Variants in RUNX1 observed in about 807,000 individuals in gnomAD.
RUNX1 encodes runt-related transcription factor 1.
In RUNX1, 19 loss-of-function variants were observed where a neutral mutation model predicts 42.8. The observed-to-expected ratio is 0.44, with a 90% CI of 0.31 to 0.65. RUNX1 has a LOEUF of 0.65. Ranked by LOEUF, RUNX1 falls within the 30% of genes least tolerant of loss-of-function variation. The pLI is 0.07. For missense variants in RUNX1, 528 were observed against 672.0 expected (o/e 0.79, Z 2.37); for synonymous variants, 271 against 289.4 (o/e 0.94, Z 0.64).
chr21:34,888,164 C>T, intron 3 of RUNX1: 7 of 1,066,476 alleles, frequency 6.6e-6, no homozygotes, highest in Non-Finnish European at 8.0e-6. Context: ...CGGGCAGCAG[C>T]GAGACGATAC....
rs1201995651 is a variant in RUNX1 at position 34,846,194 on chromosome 21, C to CTTCTTTTTTTTTTT, written c.614-11594_614-11593insAAAAAAAAAAAGAA. Among the ~76,000 whole-genome samples, 54 of 102,256 alleles carry CTTCTTTTTTTTTTT rather than the reference C, an allele frequency of 5.3e-4. 2 individuals carry two copies. Among genetic ancestry groups the CTTCTTTTTTTTTTT allele is most frequent in the Non-Finnish European group, 8.1e-4 (41 of 50,466 alleles). 67.1% of individuals were successfully genotyped at this position (102,256 alleles called of 152,430 possible). A position where few individuals can be genotyped will look rare whatever the true frequency, so the allele number is the denominator to read the frequency against. Reference sequence around the variant, plus strand: ...GAGTACTTTGTGGGTTTAAGGATGTCTTTTTTTTTTTTTTTTTTTTTCAAA... The same window carrying CTTCTTTTTTTTTTT: ...GAGTACTTTGTGGGTTTAAGGATGTCTTCTTTTTTTTTTTTTTTTTTTTTTTTTTTTTTTTCAAA... On this transcript the variant is annotated intron_variant, in intron 6 of 8. Transcript: ENST00000675419.
chr21:34,889,307 T>C lies in RUNX1; in HGVS notation c.98-2211A>G, dbSNP rs200818542. On this transcript the variant is annotated intron_variant, in intron 3 of 8. Coordinates refer to ENST00000675419, the MANE Select transcript of RUNX1 (RefSeq NM_001754.5). ...GGCAGCTGCGGCGAAGCGGCGCTGA[T>C]TCCTTGCATGAGGCCGGACGGCGTC... 2.6e-5 allele frequency among the ~76,000 whole-genome samples: 4 copies of C among 152,030 alleles called. No homozygotes were observed. In the East Asian group the frequency reaches 7.8e-4, roughly 29 times the overall value.
At chr21:35,008,723 T>G (rs1267249794) in intron 2 of RUNX1, among the ~76,000 whole-genome samples, 1 of 152,238 alleles carries the variant, frequency 6.6e-6, no homozygotes, top group Non-Finnish European at 1.5e-5. Flanking sequence ...ACTTTCACCC[T>G]CTTCTCCTTC....
chr21:34,994,648 C>G (rs775872335), intron 2 of RUNX1, among the ~76,000 whole-genome samples: 2 of 151,790 alleles, frequency 1.3e-5, no homozygotes, highest in East Asian at 3.9e-4. Flanking sequence ...CCTACATTTA[C>G]GGGTACTACG....
intron 2 of RUNX1, chr21:35,038,972 C>T: frequency 3.0e-6 from 1 of 338,214 alleles, no homozygotes; most frequent in Non-Finnish European, 5.9e-6. Flanking sequence ...ATGGTGGGTG[C>T]TTAACCAAGG....
intron 7 of RUNX1, among the ~76,000 whole-genome samples, chr21:34,813,759 C>A (rs1213230706): frequency 6.6e-6 from 1 of 152,076 alleles, no homozygotes; most frequent in Non-Finnish European, 1.5e-5. Context: ...ACGCAAATCA[C>A]CGTCAACATT....
rs140770575 is a variant in RUNX1 at position 34,995,107 on chromosome 21, T to C, written c.58+53735A>G. On this transcript the variant is annotated intron_variant, in intron 2 of 8. Coordinates refer to ENST00000675419, the MANE Select transcript of RUNX1 (RefSeq NM_001754.5). ...TCAGCAATGGATGCCAAGCAGGCTG[T>C]GCCATGTTGGGGGACTGAGGGGTGG... Among the ~76,000 whole-genome samples the C allele has an allele frequency of 4.2e-3, 639 of 152,308 alleles. 6 individuals are homozygous for C. Among genetic ancestry groups the C allele is most frequent in the African/African-American group, 0.015 (611 of 41,572 alleles).
At chr21:35,029,730 C>T (rs904700356) in intron 2 of RUNX1, among the ~76,000 whole-genome samples, 5 of 152,128 alleles carry the variant, frequency 3.3e-5, no homozygotes, top group Non-Finnish European at 5.9e-5. Context: ...GAATTTCTTC[C>T]GTCTTGGGCT....
intron 2 of RUNX1, among the ~76,000 whole-genome samples, chr21:34,947,661 CCTGT>C (rs1376864402): frequency 6.6e-6 from 1 of 152,130 alleles, no homozygotes; most frequent in Admixed American, 6.5e-5. Context: ...TCACAGAAGC[CCTGT>C]CTATCATGGT....
intron 2 of RUNX1, among the ~76,000 whole-genome samples, chr21:35,034,594 G>T (rs1339339449): frequency 6.6e-6 from 1 of 152,206 alleles, no homozygotes; most frequent in African/African-American, 2.4e-5. Context: ...AGATACATTT[G>T]GTTGTGGCAA....
At chr21:34,967,472 G>A (rs190934223) in intron 2 of RUNX1, among the ~76,000 whole-genome samples, 31 of 150,628 alleles carry the variant, frequency 2.1e-4, no homozygotes, top group Admixed American at 1.4e-3. Flanking sequence ...GCTGAACTTC[G>A]CCATCCAGCC....
At position 34,799,382 on chromosome 21, in the gene RUNX1, CAGA is replaced by C. The variant is rs771972670; in HGVS notation, c.883_885del (p.Ser295del). On this transcript the variant is annotated inframe_deletion, in exon 8 of 9. Transcript: ENST00000675419. The stretch of plus-strand genomic sequence containing the variant: ...GGTGAAATGGGCGTTGCTGGGTGCA[CAGA>C]AGGAGAGGCAATGGATCCCAGGTAT... 21 of 1,614,164 alleles carry C rather than the reference CAGA, an allele frequency of 1.3e-5. No homozygotes were observed. Among genetic ancestry groups the C allele is most frequent in the African/African-American group, 1.1e-4 (8 of 75,048 alleles).
At position 34,792,507 on chromosome 21, in the gene RUNX1, CG is replaced by C; in HGVS notation, c.1070del (p.Pro357ArgfsTer237). 6.2e-7 allele frequency: 1 copy of C among 1,600,564 alleles called. No individual in the cohort carries two copies. The highest frequency in any genetic ancestry group is 2.3e-5 in the East Asian group (1 of 44,224). ...MHYPGAFTYS[P>X]TPVTSGIGIG... is the part of the protein sequence containing the mutation. Reference sequence around the variant, plus strand: ...TGCCGATGCCCGAGGTGACCGGCGTCGGGGAGTAGGTGAAGGCGCCTGGATA... The same window carrying C: ...TGCCGATGCCCGAGGTGACCGGCGTCGGGAGTAGGTGAAGGCGCCTGGATA... On this transcript the variant is annotated frameshift_variant, in exon 9 of 9. Transcript: ENST00000675419. LOFTEE classifies it high-confidence loss of function. This position sits in a 1 kb window ranked among gnomAD's most constrained non-coding sequence, Gnocchi z 6.9.
At chr21:35,002,425 T>A (rs13048852) in intron 2 of RUNX1, among the ~76,000 whole-genome samples, 1,732 of 132,678 alleles carry the variant, frequency 0.013, 12 homozygotes, top group Non-Finnish European at 0.02. Context: ...TTTATTTATT[T>A]ATTATTTATT....
intron 5 of RUNX1, among the ~76,000 whole-genome samples, chr21:34,868,841 T>G (rs2057698949): frequency 1.3e-5 from 2 of 152,196 alleles, no homozygotes; most frequent in Admixed American, 6.5e-5. Flanking sequence ...AGGTGCACAA[T>G]GTATATCTGA....
chr21:34,817,928 ACGTAAGTCCT>A (rs2056851687), intron 7 of RUNX1, among the ~76,000 whole-genome samples: 1 of 152,234 alleles, frequency 6.6e-6, no homozygotes, highest in Non-Finnish European at 1.5e-5. Context: ...GTGTCTGCAG[ACGTAAGTCCT>A]GGTGGCCTGC....
intron 6 of RUNX1, among the ~76,000 whole-genome samples, chr21:34,842,193 A>G (rs1303047471): frequency 6.6e-6 from 1 of 152,194 alleles, no homozygotes; most frequent in Non-Finnish European, 1.5e-5. Context: ...CAGTTTCATG[A>G]GAATTGTCTC....
At chr21:34,799,517 T>G in intron 7 of RUNX1, 55 bp from the exon 8 acceptor site, 1 of 1,514,018 alleles carries the variant, frequency 6.6e-7, no homozygotes. Flanking sequence ...ATTTAAAAAA[T>G]GTCTTTTAAT....
intron 6 of RUNX1, among the ~76,000 whole-genome samples, chr21:34,853,286 T>C (rs562522263): frequency 3.9e-5 from 6 of 152,266 alleles, no homozygotes; most frequent in Middle Eastern, 3.4e-3. Context: ...CCTGCAGCCC[T>C]GCCGGGGAAA....
Sources: allele counts gnomAD v4.1 joint callset (sites outside exome capture counted in the v4.1 genomes callset), GRCh38; gene constraint gnomAD v4.1.1; non-coding constraint Gnocchi (gnomAD v3.1); transcripts MANE v1.5; gene names NCBI Gene and HGNC (gene_info 2026-07-23, HGNC 2026-07-21).